Variants in FOCAD observed in about 807,000 individuals in gnomAD.
The protein encoded by FOCAD is KIAA1797.
FOCAD carries 198 observed loss-of-function variants against 225.6 expected under a neutral mutation model. That is an observed-to-expected ratio of 0.88 (90% CI 0.78 to 0.99). The LOEUF (loss-of-function observed/expected upper bound fraction) is 0.99. FOCAD is among the 50% of genes least tolerant of loss of function. The probability of loss-of-function intolerance (pLI) is 0.00; values close to 1 mark genes in which losing one functional copy is unlikely to be tolerated. For missense variants in FOCAD, 2,713 were observed against 2,123.6 expected, an observed-to-expected ratio of 1.28 and a Z score of -5.46; for synonymous variants, 897 against 755.0, an observed-to-expected ratio of 1.19 and a Z score of -3.08.
At chr9:20,819,223 T>C (rs1824054346) in intron 11 of FOCAD, among the ~76,000 whole-genome samples, 1 of 152,164 alleles carries the variant, frequency 6.6e-6, no homozygotes, top group Non-Finnish European at 1.5e-5. Flanking sequence ...TATATCTTTT[T>C]ATTTTTTTGA....
At chr9:20,868,584 A>T (rs1052559941) in intron 18 of FOCAD, among the ~76,000 whole-genome samples, 17 of 152,086 alleles carry the variant, frequency 1.1e-4, no homozygotes, top group Non-Finnish European at 2.4e-4. Context: ...ATATCTTCCA[A>T]CATAAATGGT....
chr9:20,743,735 C>A (rs1827813651), intron 5 of FOCAD, among the ~76,000 whole-genome samples: 1 of 152,150 alleles, frequency 6.6e-6, no homozygotes, highest in South Asian at 2.1e-4. Flanking sequence ...GCTCAGAAAT[C>A]AGCATGTTAC....
At chr9:20,803,788 C>A (rs899242836) in intron 11 of FOCAD, among the ~76,000 whole-genome samples, 1 of 152,190 alleles carries the variant, frequency 6.6e-6, no homozygotes, top group African/African-American at 2.4e-5. Flanking sequence ...GGTGAAGACA[C>A]CCTAACTCAG....
intron 15 of FOCAD, among the ~76,000 whole-genome samples, chr9:20,841,670 GA>G (rs1826540675): frequency 6.6e-6 from 1 of 151,546 alleles, no homozygotes; most frequent in Non-Finnish European, 1.5e-5. Flanking sequence ...TCTGGCTAAA[GA>G]TTTGTCAGTT....
intron 4 of FOCAD, among the ~76,000 whole-genome samples, chr9:20,729,235 G>T (rs1026163134): frequency 6.6e-6 from 1 of 152,188 alleles, no homozygotes; most frequent in Non-Finnish European, 1.5e-5. Context: ...CCTTCTGGAG[G>T]CTCTGTGGGG....
chr9:20,763,822 A>G (rs1236576171), intron 6 of FOCAD, among the ~76,000 whole-genome samples: 1 of 152,188 alleles, frequency 6.6e-6, no homozygotes, highest in Non-Finnish European at 1.5e-5. Context: ...AGTTAATGAC[A>G]TGACCATATT....
At chr9:20,954,953 G>A (rs1338806982) in intron 35 of FOCAD, among the ~76,000 whole-genome samples, 1 of 152,208 alleles carries the variant, frequency 6.6e-6, no homozygotes, top group Non-Finnish European at 1.5e-5. Context: ...AAATGCGGAG[G>A]TGTGCATGCA....
rs1284072808 is a variant in FOCAD at position 20,791,235 on chromosome 9, ACT to A, written c.1455+1629_1455+1630del. ...TATATGCATGCACACACACACACAC[ACT>A]CACACACACACACACACACACACAC... On this transcript the variant is annotated intron_variant, in intron 11 of 43. Coordinates refer to ENST00000338382, the MANE Select transcript of FOCAD (RefSeq NM_001375567.1). Among the ~76,000 whole-genome samples, 18 of 87,008 alleles carry A rather than the reference ACT, an allele frequency of 2.1e-4. No homozygotes were observed. In the East Asian group the frequency reaches 2.7e-3, roughly 13 times the overall value. 57.1% of individuals were successfully genotyped at this position (87,008 alleles called of 152,430 possible).
At chr9:20,917,286 T>G (rs1343077893) in intron 24 of FOCAD, among the ~76,000 whole-genome samples, 3 of 152,136 alleles carry the variant, frequency 2.0e-5, no homozygotes, top group Non-Finnish European at 4.4e-5. Context: ...GAATCCTTGC[T>G]AATATGAGTT....
intron 39 of FOCAD, among the ~76,000 whole-genome samples, chr9:20,983,401 G>A (rs917644156): frequency 2.0e-5 from 3 of 151,834 alleles, no homozygotes; most frequent in Non-Finnish European, 2.9e-5. Flanking sequence ...GTGAAACCCC[G>A]TCTCTACTAA....
At chr9:20,768,453 C>T (rs940570432) in intron 7 of FOCAD, among the ~76,000 whole-genome samples, 1 of 151,840 alleles carries the variant, frequency 6.6e-6, no homozygotes, top group South Asian at 2.1e-4. Context: ...TTCTTCCTAC[C>T]CATGAGCATG....
intron 15 of FOCAD, among the ~76,000 whole-genome samples, chr9:20,837,031 C>G (rs1439354353): frequency 1.3e-5 from 2 of 152,088 alleles, no homozygotes; most frequent in East Asian, 1.9e-4. Context: ...TCTCTGCTCT[C>G]TGCCCTTTAG....
chr9:20,778,389 T>C (rs1346101616), intron 8 of FOCAD, among the ~76,000 whole-genome samples: 1 of 152,050 alleles, frequency 6.6e-6, no homozygotes, highest in Non-Finnish European at 1.5e-5. Flanking sequence ...GGCTAATTTT[T>C]TTGTATTTTT....
At chr9:20,913,973 G>C (rs1321375807) in intron 23 of FOCAD, among the ~76,000 whole-genome samples, 1 of 151,902 alleles carries the variant, frequency 6.6e-6, no homozygotes, top group Non-Finnish European at 1.5e-5. Context: ...AGTTTCTTAA[G>C]AATGATTTCG....
rs530363676 is a variant in FOCAD at position 20,819,973 on chromosome 9, A to G, written c.1560+73A>G. 1.8e-5 allele frequency: 17 copies of G among 965,602 alleles called. No individual in the cohort carries two copies. In the East Asian group the frequency reaches 4.2e-4, roughly 24 times the overall value. 59.8% of individuals were successfully genotyped at this position (965,602 alleles called of 1,614,324 possible). On this transcript the variant is annotated intron_variant, in intron 12 of 43. Transcript: ENST00000338382. Reference sequence around the variant, plus strand: ...AATACTTTGAATTCTTTTTGGTATTATGAAATTTTAAGCCCTAAATTTTGC... The same window carrying G: ...AATACTTTGAATTCTTTTTGGTATTGTGAAATTTTAAGCCCTAAATTTTGC...
intron 11 of FOCAD, among the ~76,000 whole-genome samples, chr9:20,817,232 T>C (rs1823819105): frequency 6.6e-6 from 1 of 152,194 alleles, no homozygotes; most frequent in South Asian, 2.1e-4. Context: ...ATGTAATTCA[T>C]CCATTTGAAG....
chr9:20,817,111 T>C (rs951597061), intron 11 of FOCAD, among the ~76,000 whole-genome samples: 2 of 152,150 alleles, frequency 1.3e-5, no homozygotes, highest in Non-Finnish European at 2.9e-5. Context: ...GCAAATAAAA[T>C]TTTTTGGCAT....
intron 16 of FOCAD, chr9:20,863,244 T>C (rs1346065973): frequency 1.4e-5 from 2 of 147,874 alleles, no homozygotes; most frequent in African/African-American, 2.5e-5. Context: ...GCCTCTACAT[T>C]TGTAAGCCAT....
chr9:20,978,188 A>G (rs1840374951), intron 36 of FOCAD, 151 bp from the exon 37 acceptor site: 2 of 528,920 alleles, frequency 3.8e-6, no homozygotes, highest in South Asian at 2.8e-5. Flanking sequence ...CTCATAACTA[A>G]CAAGTCTCTT....
Sources: gnomAD v4.1 joint callset for allele counts (sites outside exome capture counted in the v4.1 genomes callset) on GRCh38, gnomAD v4.1.1 for gene constraint, MANE v1.5 for transcripts, NCBI Gene and HGNC (gene_info 2026-07-23, HGNC 2026-07-21) for gene names.